Variants in DSE observed in about 807,000 individuals in gnomAD.
DSE encodes the protein dermatan-sulfate epimerase.
A neutral mutation model predicts 84.4 loss-of-function variants in DSE; 36 were observed. The observed-to-expected ratio is 0.43, with a 90% CI of 0.33 to 0.56. The LOEUF is 0.56. Among genes scored for constraint, DSE ranks in the 20% least tolerant of loss-of-function variants. DSE has a pLI of 0.06. For missense variants in DSE, 862 were observed against 1,169.6 expected, an observed-to-expected ratio of 0.74 and a Z score of 3.84; for synonymous variants, 410 against 430.1, an observed-to-expected ratio of 0.95 and a Z score of 0.58.
In DSE at chr6:116,437,395, CA is replaced by C. The variant is rs759486628; in HGVS notation, c.*61del. On this transcript the variant is annotated 3_prime_UTR_variant, in exon 6 of 6. Coordinates refer to ENST00000644252, the MANE Select transcript of DSE (RefSeq NM_013352.4). ...CATTTTGTGATCACAAGAGTCTATG[CA>C]AAAAAAAAAATTTCTTTACCCCAGA... 7,735 of 1,133,242 alleles carry C rather than the reference CA, an allele frequency of 6.8e-3. No homozygotes were observed. The highest frequency in any genetic ancestry group is 0.014 in the South Asian group (606 of 44,816). 70.2% of individuals were successfully genotyped at this position (1,133,242 alleles called of 1,614,324 possible).
At chr6:116,348,148 C>A (rs1778100159) in intron 2 of DSE, among the ~76,000 whole-genome samples, 1 of 152,082 alleles carries the variant, frequency 6.6e-6, no homozygotes, top group South Asian at 2.1e-4. Flanking sequence ...AAGAAACAGG[C>A]TGGGCACGGT....
rs534128944 is a variant in DSE, at chr6:116,410,642, G to A, written c.416+10976G>A. Among the ~76,000 whole-genome samples the A allele has an allele frequency of 1.4e-3, 214 of 149,762 alleles. 1 individual carries two copies. The highest frequency in any genetic ancestry group is 2.6e-3 in the Non-Finnish European group (179 of 67,698). On this transcript the variant is annotated intron_variant, in intron 2 of 5. Coordinates refer to ENST00000644252, the MANE Select transcript of DSE (RefSeq NM_013352.4). ...CCAGCTACTGGGGAGGCTGAGGCAGGAGAATGGCGTGAACCCAGGAGGCAG... is the reference window on the plus strand; with the variant it reads ...CCAGCTACTGGGGAGGCTGAGGCAGAAGAATGGCGTGAACCCAGGAGGCAG...
chr6:116,434,438 T>C (rs1359301068), intron 5 of DSE, among the ~76,000 whole-genome samples: 1 of 152,092 alleles, frequency 6.6e-6, no homozygotes, highest in African/African-American at 2.4e-5. Flanking sequence ...TTAAGATTAT[T>C]TTCATAGATA....
intron 1 of DSE, among the ~76,000 whole-genome samples, chr6:116,377,822 T>C (rs763115257): frequency 1.5e-4 from 23 of 152,228 alleles, no homozygotes; most frequent in Non-Finnish European, 2.8e-4. Flanking sequence ...TAGACAGTTC[T>C]GACTAAACTT....
In DSE at chr6:116,273,229, C is replaced by A. The variant is rs148620241; in HGVS notation, c.-54+14262C>A. Among the ~76,000 whole-genome samples, 63 of 152,286 alleles carry A rather than the reference C, an allele frequency of 4.1e-4. No individual in the cohort carries two copies. In the East Asian group the frequency reaches 0.012, roughly 28 times the overall value. Reference sequence around the variant, plus strand: ...GGTGTTCACAAAAATTAGTAACTTACTTAAATGACCCTTTCCTTTTTAATT... The same window carrying A: ...GGTGTTCACAAAAATTAGTAACTTAATTAAATGACCCTTTCCTTTTTAATT... On this transcript the variant is annotated intron_variant, in intron 2 of 3. Transcript: ENST00000430252.
intron 2 of DSE, among the ~76,000 whole-genome samples, chr6:116,337,527 T>A (rs1583041890): frequency 6.6e-6 from 1 of 152,092 alleles, no homozygotes; most frequent in Non-Finnish European, 1.5e-5. Context: ...GGAGAGTTGC[T>A]TTTTAATCCA....
intron 1 of DSE, among the ~76,000 whole-genome samples, chr6:116,373,404 G>T (rs1225302940): frequency 6.6e-6 from 1 of 152,146 alleles, no homozygotes; most frequent in Non-Finnish European, 1.5e-5. Context: ...AACAGTACAG[G>T]CAGTTGCCAT....
intron 1 of DSE, among the ~76,000 whole-genome samples, chr6:116,378,495 T>C (rs1352784513): frequency 3.3e-5 from 5 of 152,306 alleles, no homozygotes; most frequent in African/African-American, 1.2e-4. Flanking sequence ...TGGTTAAATA[T>C]TGATCATATA....
At chr6:116,276,069 A>G (rs944661153) in intron 2 of DSE, among the ~76,000 whole-genome samples, 1 of 152,094 alleles carries the variant, frequency 6.6e-6, no homozygotes, top group African/African-American at 2.4e-5. Flanking sequence ...AATTATGTTA[A>G]TTTTCTAGAA....
chr6:116,430,204 T>C (rs1008679352), intron 3 of DSE, among the ~76,000 whole-genome samples: 10 of 152,222 alleles, frequency 6.6e-5, no homozygotes, highest in African/African-American at 2.4e-4. Flanking sequence ...TCAGCCCCAC[T>C]GTGCTGCCTT....
intron 1 of DSE, chr6:116,255,251 C>T (rs918851916): frequency 2.0e-5 from 3 of 152,212 alleles, no homozygotes; most frequent in African/African-American, 7.2e-5. Flanking sequence ...ATTATGATCA[C>T]TTTCAAATAC....
intron 1 of DSE, among the ~76,000 whole-genome samples, chr6:116,396,224 A>ATGTGTGTGT (rs1218603600): frequency 6.6e-5 from 10 of 152,342 alleles, no homozygotes; most frequent in Non-Finnish European, 1.3e-4. Context: ...ACATAGAGGA[A>ATGTGTGTGT]GAAGGTTCTC....
At position 116,399,677 on chromosome 6, in the gene DSE, G is replaced by C. The variant is rs1781478920; in HGVS notation, c.416+11G>C. On this transcript the variant is annotated intron_variant, in intron 2 of 5. Transcript: ENST00000644252. ...AGCGCAGCCTAGTTGGTAGATTTTT[G>C]TCTTGTTCTTCTTACTGTGGTAACT... The C allele has an allele frequency of 6.2e-7, 1 of 1,607,552 alleles. No individual in the cohort carries two copies. The highest frequency in any genetic ancestry group is 8.5e-7 in the Non-Finnish European group (1 of 1,175,958).
At chr6:116,279,401 GC>G (rs766274105) in intron 2 of DSE, 1 of 1,613,022 alleles carries the variant, frequency 6.2e-7, no homozygotes, top group African/African-American at 1.3e-5. Flanking sequence ...CCCGCCGTCA[GC>G]TCAGACGCGG....
At position 116,436,643 on chromosome 6, in the gene DSE, A is replaced by G; in HGVS notation, c.2175A>G (p.Ser725=). The G allele has an allele frequency of 1.2e-6, 2 of 1,614,202 alleles. No homozygotes were observed. The highest frequency in any genetic ancestry group is 1.7e-6 in the Non-Finnish European group (2 of 1,180,022). The part of the protein sequence containing the change: ...DRHKILFDRN[S]AIKSSIVPEV... Reference sequence around the variant, plus strand: ...ACAAAATTCTGTTTGACCGGAATTCAGCCATCAAGAGCAGCATTGTCCCTG... The same window carrying G: ...ACAAAATTCTGTTTGACCGGAATTCGGCCATCAAGAGCAGCATTGTCCCTG... Residue 725 remains serine (S), a synonymous_variant, in exon 6 of 6, where the codon TCA becomes TCG. Coordinates refer to ENST00000644252, the MANE Select transcript of DSE (RefSeq NM_013352.4).
In DSE at chr6:116,297,078, A is replaced by G. The variant is rs548255158; in HGVS notation, c.-54+38111A>G. The stretch of plus-strand genomic sequence containing the variant: ...GTAAGACTCAGAATATGATTTGGGT[A>G]GGCAAAGTATAGTGGAGATGTTGGT... On this transcript the variant is annotated intron_variant, in intron 2 of 3. Coordinates refer to the DSE transcript ENST00000430252. Among the ~76,000 whole-genome samples, 13 of 152,280 alleles carry G rather than the reference A, an allele frequency of 8.5e-5. No individual in the cohort carries two copies. The South Asian group carries it at 2.7e-3, about 32-fold the overall frequency.
At chr6:116,289,146 A>G (rs1420338930) in intron 2 of DSE, among the ~76,000 whole-genome samples, 3 of 152,102 alleles carry the variant, frequency 2.0e-5, no homozygotes, top group Non-Finnish European at 4.4e-5. Flanking sequence ...GTTGAAAAAT[A>G]TGTGTAATTA....
At chr6:116,375,857 G>A (rs1779891782) in intron 1 of DSE, among the ~76,000 whole-genome samples, 2 of 151,970 alleles carry the variant, frequency 1.3e-5, no homozygotes, top group African/African-American at 4.8e-5. Context: ...AGTAGAAATG[G>A]ACAGTGATAT....
At chr6:116,418,436 T>G (rs1782855779) in intron 2 of DSE, among the ~76,000 whole-genome samples, 1 of 152,132 alleles carries the variant, frequency 6.6e-6, no homozygotes, top group African/African-American at 2.4e-5. Flanking sequence ...CAACTCTACC[T>G]TAGAGTAGTA....
Sources: gnomAD v4.1 joint callset for allele counts (sites outside exome capture counted in the v4.1 genomes callset) on GRCh38, gnomAD v4.1.1 for gene constraint, MANE v1.5 for transcripts, NCBI Gene and HGNC (gene_info 2026-07-23, HGNC 2026-07-21) for gene names.